The following IDUA variants were observed in gnomAD, a reference collection of about 807,000 sequenced individuals.
IDUA encodes the protein alpha-L-iduronidase, also known as iduronidase alpha-L-.
Under a neutral mutation model 68.9 loss-of-function variants are expected in IDUA, and 65 were observed. That is an observed-to-expected ratio of 0.94 (90% confidence interval 0.77 to 1.16). The LOEUF is 1.16. Ranked by LOEUF, IDUA falls within the 50% of genes most tolerant of loss-of-function variation. The probability of loss-of-function intolerance (pLI) is 0.00; values close to 1 mark genes in which losing one functional copy is unlikely to be tolerated. For synonymous variants in IDUA, 529 were observed against 433.6 expected, an observed-to-expected ratio of 1.22 and a Z score of -2.73; for missense variants, 1,046 against 938.0, an observed-to-expected ratio of 1.12 and a Z score of -1.50.
At chr4:1,003,881 C>T (rs530856875) in intron 12 of IDUA, 131 bp from the exon 13 acceptor site, 18 of 887,908 alleles carry the variant, frequency 2.0e-5, no homozygotes, top group Admixed American at 5.1e-5. Context: ...GGAAGAGTGC[C>T]CAGGGGCTGG....
chr4:1,000,310 C>T (rs1714995160), intron 2 of IDUA, among the ~76,000 whole-genome samples: 1 of 152,242 alleles, frequency 6.6e-6, no homozygotes, highest in South Asian at 2.1e-4. Context: ...GACCCCTGGC[C>T]CCTGCTGCTC....
chr4:993,875 G>C (rs3806758), intron 2 of IDUA, among the ~76,000 whole-genome samples: 29,851 of 152,218 alleles, frequency 0.2, 3,332 homozygotes, highest in Middle Eastern at 0.34. Flanking sequence ...GTGCATATGC[G>C]TGTGTGCTCG....
rs1314132117 is a variant in IDUA at position 1,000,681 on chromosome 4, G to A, written c.369G>A (p.Glu123=). 13 of 1,611,808 alleles carry A rather than the reference G, an allele frequency of 8.1e-6. No individual in the cohort carries two copies. The highest frequency in any genetic ancestry group is 1.1e-5 in the Non-Finnish European group (13 of 1,179,402). Reference sequence around the variant, plus strand: ...ACGGGTACCTGGACCTTCTCAGGGAGAACCAGCTCCTCCCAGGTGAGCTGT... The same window carrying A: ...ACGGGTACCTGGACCTTCTCAGGGAAAACCAGCTCCTCCCAGGTGAGCTGT... The part of the protein sequence containing the change: ...HLDGYLDLLR[E]NQLLPGFELM... The change falls in exon 3 of 14, where the codon GAG becomes GAA. Residue 123 remains glutamate (E), a synonymous_variant. Transcript: ENST00000514224.
At chr4:989,154 C>A (rs148200047) in intron 2 of IDUA, 5 of 1,607,654 alleles carry the variant, frequency 3.1e-6, no homozygotes, top group Non-Finnish European at 3.4e-6. Flanking sequence ...TGGTGCTAAC[C>A]GGGCCCAGGT....
At position 1,003,443 on chromosome 4, in the gene IDUA, T is replaced by C; in HGVS notation, c.1623T>C (p.Cys541=). The change falls in exon 11 of 14, where the codon TGT becomes TGC. Residue 541 remains cysteine (C), a synonymous_variant. Coordinates refer to ENST00000514224, the MANE Select transcript of IDUA (RefSeq NM_000203.5). The part of the protein sequence containing the change: ...RLPSLLLVHV[C]ARPEKPPGQV... The stretch of plus-strand genomic sequence containing the variant: ...CGTCGCTTTTGCTGGTGCACGTGTG[T>C]GCGCGCCCCGAGAAGCCGCCCGGGC... The C allele has an allele frequency of 1.3e-6, 2 of 1,543,792 alleles. No homozygotes were observed. Among genetic ancestry groups the C allele is most frequent in the South Asian group, 1.2e-5 (1 of 85,442 alleles).
chr4:1,002,971 T>C, intron 9 of IDUA, 27 bp downstream of exon 9: 6 of 1,380,288 alleles, frequency 4.3e-6, no homozygotes, highest in Non-Finnish European at 5.6e-6. Context: ...GGGAGGTCTC[T>C]GGCCCCGCTG....
rs952737470 is a variant in IDUA at position 988,143 on chromosome 4, G to A, written c.299+194G>A. The A allele has an allele frequency of 4.3e-6, 6 of 1,405,232 alleles. No individual in the cohort carries two copies. In the East Asian group the frequency reaches 7.8e-5, roughly 18 times the overall value. The allele number at this position is 1,405,232 out of a possible 1,614,324, so 87.0% of individuals were successfully genotyped here. A position where few individuals can be genotyped will look rare whatever the true frequency, so the allele number is the denominator to read the frequency against. Reference sequence around the variant, plus strand: ...TGGAGGGAGCCCCTGCATGGGGCACGGTGGGCTTCCTGCAGGTCTCCCTGC... The same window carrying A: ...TGGAGGGAGCCCCTGCATGGGGCACAGTGGGCTTCCTGCAGGTCTCCCTGC... On this transcript the variant is annotated intron_variant, in intron 2 of 13. Transcript: ENST00000514224.
intron 2 of IDUA, chr4:992,032 C>T (rs1449980507): frequency 1.7e-6 from 1 of 599,658 alleles, no homozygotes; most frequent in African/African-American, 1.8e-5. Flanking sequence ...TGTCCAGGCT[C>T]AGCTCCGGCC....
intron 1 of IDUA, 87 bp from the exon 2 acceptor site, chr4:987,722 G>C (rs927408626): frequency 1.3e-6 from 2 of 1,585,694 alleles, no homozygotes; most frequent in African/African-American, 1.3e-5. Flanking sequence ...TCCTGCGCCC[G>C]GGCAGTCCTG....
At chr4:1,002,232 C>A in intron 7 of IDUA, 37 bp from the exon 8 acceptor site, 1 of 1,588,412 alleles carries the variant, frequency 6.3e-7, no homozygotes, top group South Asian at 1.1e-5. Context: ...GAGCGGTGGC[C>A]GCGCCACCCG....
In IDUA at chr4:1,001,671, C is replaced by G. The variant is rs6848974; in HGVS notation, c.590-8C>G. Reference sequence around the variant, plus strand: ...GGCAGGTGTAGACGCAGTGCTCCCCCGGCCCAGGCTTCCTGAACTACTACG... The same window carrying G: ...GGCAGGTGTAGACGCAGTGCTCCCCGGGCCCAGGCTTCCTGAACTACTACG... On this transcript the variant is annotated splice_region_variant and splice_polypyrimidine_tract_variant and intron_variant, in intron 5 of 13. Coordinates refer to ENST00000514224, the MANE Select transcript of IDUA (RefSeq NM_000203.5). The G allele has an allele frequency of 4.9e-5, 78 of 1,601,556 alleles. 1 individual carries two copies. The East Asian group carries it at 1.7e-3, about 35-fold the overall frequency.
chr4:1,002,554 C>G (rs112726770), intron 8 of IDUA, 69 bp downstream of exon 8: 1 of 1,358,408 alleles, frequency 7.4e-7, no homozygotes. Context: ...TGCGAAGGCC[C>G]CGCTGCGGGG....
At position 1,004,001 on chromosome 4, in the gene IDUA, G is replaced by C. The variant is rs199997489; in HGVS notation, c.1728-11G>C. 9.8e-5 allele frequency: 158 copies of C among 1,606,634 alleles called. 1 individual carries two copies. Among genetic ancestry groups the C allele is most frequent in the African/African-American group, 1.3e-5 (1 of 74,484 alleles). ...TTGACCCCAGCCTTGTTCTTGGCCTGACCTCCCCAGGTGCCTGTGGACATA... is the reference window on the plus strand; with the variant it reads ...TTGACCCCAGCCTTGTTCTTGGCCTCACCTCCCCAGGTGCCTGTGGACATA... On this transcript the variant is annotated splice_polypyrimidine_tract_variant and intron_variant, in intron 12 of 13. Coordinates refer to ENST00000514224, the MANE Select transcript of IDUA (RefSeq NM_000203.5). This position sits in a 1 kb window ranked among gnomAD's most constrained non-coding sequence, Gnocchi z 5.0.
At chr4:987,720 C>G in intron 1 of IDUA, 89 bp from the exon 2 acceptor site, 1 of 1,583,428 alleles carries the variant, frequency 6.3e-7, no homozygotes, top group South Asian at 1.1e-5. Context: ...GATCCTGCGC[C>G]CGGGCAGTCC....
chr4:994,824 G>A (rs1577528649), intron 2 of IDUA, among the ~76,000 whole-genome samples: 1 of 152,090 alleles, frequency 6.6e-6, no homozygotes, highest in African/African-American at 2.4e-5. Flanking sequence ...TACTCAAGCG[G>A]CTCAGGTGGG....
At chr4:1,001,942 C>A (rs938902626) in intron 6 of IDUA, 40 bp from the exon 7 acceptor site, 1 of 1,570,350 alleles carries the variant, frequency 6.4e-7, no homozygotes, top group African/African-American at 1.3e-5. Flanking sequence ...TGCCCCGGGC[C>A]GCGCTGACCC....
At chr4:990,158 C>G (rs139938830) in intron 2 of IDUA, 4 of 1,563,332 alleles carry the variant, frequency 2.6e-6, no homozygotes, top group Non-Finnish European at 3.5e-6. Context: ...ACGTCGCACA[C>G]GTTGGCCTGC....
intron 2 of IDUA, chr4:991,487 C>G (rs74824334): frequency 6.2e-7 from 1 of 1,610,584 alleles, no homozygotes; most frequent in Non-Finnish European, 8.5e-7. Flanking sequence ...CCAGACATGA[C>G]GTCGCCTGCC....
intron 2 of IDUA, among the ~76,000 whole-genome samples, chr4:998,195 G>A (rs901389408): frequency 3.9e-5 from 6 of 152,182 alleles, no homozygotes; most frequent in African/African-American, 7.2e-5. Flanking sequence ...CACCCAGCCC[G>A]GGGTACAGGA....
Sources: gnomAD v4.1 joint callset for allele counts (sites outside exome capture counted in the v4.1 genomes callset) on GRCh38, gnomAD v4.1.1 for gene constraint, Gnocchi (gnomAD v3.1) non-coding constraint, MANE v1.5 for transcripts, NCBI Gene and HGNC (gene_info 2026-07-23, HGNC 2026-07-21) for gene names.